AHCYL1: variants seen among roughly 807,000 people sequenced by gnomAD.
AHCYL1 encodes the protein S-adenosylhomocysteine hydrolase-like protein 1.
Under a neutral mutation model 79.3 loss-of-function variants are expected in AHCYL1, and 20 were observed. That is an observed-to-expected ratio of 0.25 (90% CI 0.18 to 0.37). AHCYL1 has a LOEUF of 0.37. Ranked by LOEUF, AHCYL1 falls within the 10% of genes least tolerant of loss-of-function variation. The probability of loss-of-function intolerance (pLI) is 1.00; values close to 1 mark genes in which losing one functional copy is unlikely to be tolerated. For synonymous variants in AHCYL1, 223 were observed against 242.2 expected (o/e 0.92, Z 0.74); for missense variants, 330 against 673.6 (o/e 0.49, Z 5.65).
chr1:110,011,138 C>A, intron 2 of AHCYL1, 76 bp from the exon 3 acceptor site: 1 of 1,550,226 alleles, frequency 6.5e-7, no homozygotes, highest in Admixed American at 2.0e-5. Context: ...AATGAAAGTC[C>A]CTTGGGGACT....
chr1:109,994,176 A>G (rs1649904405), intron 1 of AHCYL1, among the ~76,000 whole-genome samples: 1 of 152,148 alleles, frequency 6.6e-6, no homozygotes, highest in South Asian at 2.1e-4. Flanking sequence ...TTGGCACTAC[A>G]TTTTGTGTGT....
Position 110,019,126 on chromosome 1 carries a change from G to C in AHCYL1, c.1386+7G>C. The C allele has an allele frequency of 1.2e-6, 2 of 1,613,858 alleles. No individual in the cohort carries two copies. The highest frequency in any genetic ancestry group is 1.7e-6 in the Non-Finnish European group (2 of 1,179,836). The stretch of plus-strand genomic sequence containing the variant: ...CATCACAGCCACAACACAGGTATGT[G>C]GCAAAATGCCTGCTTACACTGCACT... On this transcript the variant is annotated splice_region_variant and intron_variant, in intron 14 of 16. Transcript: ENST00000369799.
chr1:110,001,876 T>A (rs909488155), intron 1 of AHCYL1, among the ~76,000 whole-genome samples: 5 of 152,300 alleles, frequency 3.3e-5, no homozygotes, highest in Admixed American at 2.6e-4. Flanking sequence ...ACCTAATATA[T>A]CAAATTGATT....
intron 5 of AHCYL1, among the ~76,000 whole-genome samples, 182 bp from the exon 6 acceptor site, chr1:110,014,580 TC>T: frequency 6.6e-6 from 1 of 152,364 alleles, no homozygotes; most frequent in South Asian, 2.1e-4. Context: ...AAGCAAAAAT[TC>T]CTTAATTTCT....
chr1:110,017,396 A>G, intron 9 of AHCYL1, 99 bp from the exon 10 acceptor site: 1 of 1,090,302 alleles, frequency 9.2e-7, no homozygotes, highest in Non-Finnish European at 1.4e-6. Flanking sequence ...ATGACAGGCT[A>G]TTTCATGAAG....
At chr1:109,999,744 A>G in intron 1 of AHCYL1, among the ~76,000 whole-genome samples, 1 of 151,924 alleles carries the variant, frequency 6.6e-6, no homozygotes, top group East Asian at 1.9e-4. Flanking sequence ...AATTTAATAC[A>G]ACATTTATTT....
chr1:109,991,582 T>A (rs1287364352), intron 1 of AHCYL1, among the ~76,000 whole-genome samples: 1 of 152,218 alleles, frequency 6.6e-6, no homozygotes, highest in Non-Finnish European at 1.5e-5. Context: ...CTTCACAATT[T>A]GAGGAACTGC....
intron 2 of AHCYL1, among the ~76,000 whole-genome samples, chr1:110,010,803 G>T (rs1454614903): frequency 6.6e-6 from 1 of 152,218 alleles, no homozygotes; most frequent in Non-Finnish European, 1.5e-5. Context: ...ATGTGATCCT[G>T]ATAGATGCTT....
chr1:110,011,443 G>A, intron 3 of AHCYL1, 86 bp downstream of exon 3: 1 of 1,550,600 alleles, frequency 6.4e-7, no homozygotes, highest in African/African-American at 1.4e-5. Context: ...CTTGAAAGCT[G>A]ACTTGAAAGT....
chr1:109,998,537 G>A (rs183585090), intron 1 of AHCYL1, among the ~76,000 whole-genome samples: 35 of 152,242 alleles, frequency 2.3e-4, no homozygotes, highest in African/African-American at 7.7e-4. Flanking sequence ...GAGTGCAGTG[G>A]TGTGATCTCA....
At chr1:110,007,833 A>C (rs1446224781) in intron 1 of AHCYL1, among the ~76,000 whole-genome samples, 1 of 152,176 alleles carries the variant, frequency 6.6e-6, no homozygotes, top group Non-Finnish European at 1.5e-5. Context: ...TATTTTGAAG[A>C]AAGGGTTTAT....
intron 1 of AHCYL1, 106 bp downstream of exon 1, chr1:109,985,278 G>A: frequency 6.9e-7 from 1 of 1,451,182 alleles, no homozygotes; most frequent in African/African-American, 1.5e-5. Context: ...GGTGACTGGG[G>A]ACGGCGGAGG....
chr1:110,004,157 G>T (rs1650495157), intron 1 of AHCYL1: 1 of 985,518 alleles, frequency 1.0e-6, no homozygotes, highest in Non-Finnish European at 1.2e-6. Context: ...TTGGATTCTA[G>T]CTGTGTGTGT....
At chr1:110,012,788 A>G (rs1225312914) in intron 4 of AHCYL1, 109 bp from the exon 5 acceptor site, 2 of 753,134 alleles carry the variant, frequency 2.7e-6, no homozygotes, top group African/African-American at 3.5e-5. Flanking sequence ...TTTCCAGTGT[A>G]GCACCTGTTG....
At chr1:110,001,172 T>G (rs1424811432) in intron 1 of AHCYL1, among the ~76,000 whole-genome samples, 1 of 152,050 alleles carries the variant, frequency 6.6e-6, no homozygotes, top group Non-Finnish European at 1.5e-5. Flanking sequence ...TTTGCCAATA[T>G]TTTGCTATAC....
chr1:110,008,437 G>A (rs1022886993), intron 1 of AHCYL1, among the ~76,000 whole-genome samples: 6 of 152,038 alleles, frequency 3.9e-5, no homozygotes, highest in African/African-American at 1.5e-4. Flanking sequence ...TTATATTCTG[G>A]TATTTTAAAT....
intron 7 of AHCYL1, 130 bp downstream of exon 7, chr1:110,015,661 G>T: frequency 1.5e-6 from 1 of 684,730 alleles, no homozygotes. Flanking sequence ...AAAATTTTGA[G>T]TTTTTACTTT....
rs531475428 is a variant in AHCYL1, at chr1:110,013,007, C to T, written c.580+8C>T. The T allele has an allele frequency of 1.5e-5, 24 of 1,597,768 alleles. No homozygotes were observed. Among genetic ancestry groups the T allele is most frequent in the Admixed American group, 5.3e-5 (3 of 56,528 alleles). ...CAGCACTGGCTGAGGCTGGTAAGTT[C>T]GGTTTTTTCCCACCAACTTTGCCCC... On this transcript the variant is annotated splice_region_variant and intron_variant, in intron 5 of 16. Transcript: ENST00000369799.
intron 1 of AHCYL1, among the ~76,000 whole-genome samples, chr1:109,988,611 G>T (rs1056054803): frequency 1.3e-5 from 2 of 152,212 alleles, no homozygotes; most frequent in Admixed American, 1.3e-4. Flanking sequence ...CTTACAATAA[G>T]CATGTTTCTC....
Sources: gnomAD v4.1 joint callset for allele counts (sites outside exome capture counted in the v4.1 genomes callset) on GRCh38, gnomAD v4.1.1 for gene constraint, MANE v1.5 for transcripts, NCBI Gene and HGNC (gene_info 2026-07-23, HGNC 2026-07-21) for gene names.